The following MIS18A variants were observed in gnomAD, a reference collection of about 807,000 sequenced individuals.
The protein encoded by MIS18A is MIS18 kinetochore protein A, also known as protein Mis18-alpha.
MIS18A carries 14 observed loss-of-function variants against 25.0 expected under a neutral mutation model. The observed-to-expected ratio is 0.56, with a 90% CI of 0.37 to 0.88. MIS18A has a LOEUF of 0.88. Ranked by LOEUF, MIS18A falls within the 40% of genes least tolerant of loss-of-function variation. MIS18A has a pLI of 0.00. For synonymous variants in MIS18A, 134 were observed against 118.6 expected, an observed-to-expected ratio of 1.13 and a Z score of -0.84; for missense variants, 292 against 290.8, an observed-to-expected ratio of 1.00 and a Z score of -0.03.
At chr21:32,214,632 A>G in the MIS18A span, among the ~76,000 whole-genome samples, 6 of 152,348 alleles carry the variant, frequency 3.9e-5, no homozygotes, top group South Asian at 1.2e-3. Flanking sequence ...GAAAAGAAGC[A>G]CACAACTCCC....
the MIS18A span, among the ~76,000 whole-genome samples, chr21:32,254,700 G>C: frequency 1.3e-5 from 2 of 152,048 alleles, no homozygotes; most frequent in Non-Finnish European, 2.9e-5. Flanking sequence ...ACATGCTTAG[G>C]GTTCTATGCT....
chr21:32,252,025 G>T, the MIS18A span, among the ~76,000 whole-genome samples: 5 of 152,140 alleles, frequency 3.3e-5, no homozygotes, highest in South Asian at 4.2e-4. Flanking sequence ...TCTACAAAAA[G>T]AAAATGAAAA....
the MIS18A span, among the ~76,000 whole-genome samples, chr21:32,236,741 C>T: frequency 4.6e-5 from 7 of 152,116 alleles, no homozygotes; most frequent in African/African-American, 1.7e-4. Flanking sequence ...GGCTATATTT[C>T]CATTCACCAA....
the MIS18A span, among the ~76,000 whole-genome samples, chr21:32,248,186 T>G: frequency 6.6e-6 from 1 of 152,204 alleles, no homozygotes; most frequent in Non-Finnish European, 1.5e-5. Flanking sequence ...CTTGGTTATG[T>G]TTGAAGTGGG....
chr21:32,162,112 C>T, the MIS18A span, among the ~76,000 whole-genome samples: 4 of 152,152 alleles, frequency 2.6e-5, no homozygotes, highest in Non-Finnish European at 5.9e-5. Context: ...TCCAAGGTCA[C>T]ATGTGAAAAA....
chr21:32,211,321 G>A, the MIS18A span, among the ~76,000 whole-genome samples: 3 of 152,342 alleles, frequency 2.0e-5, no homozygotes, highest in Non-Finnish European at 4.4e-5. Context: ...GATTACAGGC[G>A]TGAGCCATCA....
the MIS18A span, among the ~76,000 whole-genome samples, chr21:32,173,734 A>T: frequency 6.6e-6 from 1 of 152,140 alleles, no homozygotes; most frequent in Admixed American, 6.6e-5. Context: ...AACAGAAAAA[A>T]TACATCAGTG....
the MIS18A span, among the ~76,000 whole-genome samples, chr21:32,211,032 T>A: frequency 0.26 from 39,004 of 152,020 alleles, 5,064 homozygotes; most frequent in South Asian, 0.3. Flanking sequence ...AGCCAACCAA[T>A]AGGCAAGATT....
At chr21:32,201,722 A>G in the MIS18A span, among the ~76,000 whole-genome samples, 75 of 152,228 alleles carry the variant, frequency 4.9e-4, no homozygotes, top group African/African-American at 1.8e-3. Context: ...CTGAGGCAGG[A>G]GAATCACTTG....
the MIS18A span, among the ~76,000 whole-genome samples, chr21:32,214,464 T>C: frequency 0.016 from 2,331 of 148,798 alleles, 59 homozygotes; most frequent in African/African-American, 0.055. Context: ...TTTATACATA[T>C]GTATGGTTGA....
the MIS18A span, among the ~76,000 whole-genome samples, chr21:32,193,517 T>C: frequency 1.9e-5 from 2 of 107,224 alleles, 1 homozygote; most frequent in Admixed American, 2.1e-4. Flanking sequence ...GATAGATAGA[T>C]AGATGGATAG....
At chr21:32,199,457 AG>A in the MIS18A span, among the ~76,000 whole-genome samples, 115 of 152,290 alleles carry the variant, frequency 7.6e-4, no homozygotes, top group Non-Finnish European at 1.4e-3. Context: ...AAAAAAGAAA[AG>A]GAACTAAAAA....
At chr21:32,178,213 A>C in the MIS18A span, among the ~76,000 whole-genome samples, 90,043 of 151,832 alleles carry the variant, frequency 0.59, 27,498 homozygotes, top group African/African-American at 0.74. Flanking sequence ...AGCCACAGCA[A>C]CTCATTTCCA....
At chr21:32,183,912 G>A in the MIS18A span, among the ~76,000 whole-genome samples, 103 of 152,288 alleles carry the variant, frequency 6.8e-4, no homozygotes, top group African/African-American at 2.5e-3. Context: ...TTTTAGACTT[G>A]GGCAGCACAC....
At chr21:32,191,145 A>G in the MIS18A span, among the ~76,000 whole-genome samples, 1 of 152,252 alleles carries the variant, frequency 6.6e-6, no homozygotes, top group Non-Finnish European at 1.5e-5. Flanking sequence ...ATAAGTGCTC[A>G]ACAAATAAAT....
chr21:32,245,247 G>A, the MIS18A span, among the ~76,000 whole-genome samples: 1 of 152,192 alleles, frequency 6.6e-6, no homozygotes, highest in African/African-American at 2.4e-5. Context: ...AACTGATGGT[G>A]TCACTTCTGC....
chr21:32,233,907 C>T, the MIS18A span, among the ~76,000 whole-genome samples: 3 of 152,002 alleles, frequency 2.0e-5, no homozygotes, highest in African/African-American at 7.3e-5. Flanking sequence ...CACCAATACT[C>T]CTCAAAACTG....
At chr21:32,272,758 T>G (rs906428976) in intron 2 of MIS18A, among the ~76,000 whole-genome samples, 1 of 152,256 alleles carries the variant, frequency 6.6e-6, no homozygotes, top group Non-Finnish European at 1.5e-5. Flanking sequence ...TGAGTTGATT[T>G]AATTTTAAAA....
the MIS18A span, among the ~76,000 whole-genome samples, chr21:32,193,810 C>T: frequency 1.3e-5 from 2 of 151,718 alleles, no homozygotes; most frequent in East Asian, 1.9e-4. Context: ...AATAAACAAA[C>T]TAAGAAAGAT....
Sources: gnomAD v4.1 joint callset for allele counts (sites outside exome capture counted in the v4.1 genomes callset) on GRCh38, gnomAD v4.1.1 for gene constraint, MANE v1.5 for transcripts, NCBI Gene and HGNC (gene_info 2026-07-23, HGNC 2026-07-21) for gene names.